DOCK10: variants seen among roughly 807,000 people sequenced by gnomAD.
DOCK10 encodes the protein dedicator of cytokinesis 10, also known as dedicator of cytokinesis protein 10.
In DOCK10, 145 loss-of-function variants were observed where a neutral mutation model predicts 280.1. The observed-to-expected ratio is 0.52, with a 90% CI of 0.45 to 0.59. The LOEUF (loss-of-function observed/expected upper bound fraction) is 0.59. Among genes scored for constraint, DOCK10 ranks in the 20% least tolerant of loss-of-function variants. DOCK10 has a pLI of 0.00. For missense variants in DOCK10, 2,368 were observed against 2,651.7 expected, an observed-to-expected ratio of 0.89 and a Z score of 2.35; for synonymous variants, 915 against 942.2, an observed-to-expected ratio of 0.97 and a Z score of 0.53.
intron 31 of DOCK10, among the ~76,000 whole-genome samples, chr2:224,809,843 A>G (rs1424776071): frequency 1.3e-5 from 2 of 152,138 alleles, no homozygotes; most frequent in African/African-American, 4.8e-5. Flanking sequence ...ACTTCTGGGT[A>G]TACATCCAAA....
intron 47 of DOCK10, among the ~76,000 whole-genome samples, chr2:224,792,585 A>G (rs1359016548): frequency 6.6e-6 from 1 of 152,184 alleles, no homozygotes; most frequent in Non-Finnish European, 1.5e-5. Flanking sequence ...GCCTGGCCCT[A>G]TCTTTTATTT....
intron 3 of DOCK10, among the ~76,000 whole-genome samples, chr2:224,908,184 A>ATGTG (rs71062966): frequency 0.17 from 25,659 of 148,344 alleles, 2,252 homozygotes; most frequent in East Asian, 0.34. Flanking sequence ...GTGTGTGTGT[A>ATGTG]TGTGTGTGTG....
intron 4 of DOCK10, among the ~76,000 whole-genome samples, chr2:224,892,885 T>A (rs992122787): frequency 3.3e-5 from 5 of 152,234 alleles, no homozygotes; most frequent in Non-Finnish European, 7.3e-5. Context: ...CAGTCACATG[T>A]CTGTGGGGCT....
intron 30 of DOCK10, 117 bp downstream of exon 30, chr2:224,816,500 G>A: frequency 1.4e-6 from 1 of 710,388 alleles, no homozygotes; most frequent in Non-Finnish European, 2.5e-6. Context: ...CCATGTGACA[G>A]CTTCAAACAA....
At chr2:224,977,443 A>T (rs917103287) in intron 1 of DOCK10, among the ~76,000 whole-genome samples, 2 of 152,222 alleles carry the variant, frequency 1.3e-5, no homozygotes, top group Admixed American at 6.5e-5. Flanking sequence ...AAAAGACTTA[A>T]AATGAAGCTA....
intron 3 of DOCK10, among the ~76,000 whole-genome samples, chr2:224,906,604 G>A (rs1700655336): frequency 1.3e-5 from 2 of 152,098 alleles, no homozygotes; most frequent in East Asian, 1.9e-4. Context: ...TCAGCCTCCC[G>A]AGTAGCTGGG....
At chr2:224,808,248 G>A (rs1180011658) in intron 31 of DOCK10, among the ~76,000 whole-genome samples, 162 bp from the exon 32 acceptor site, 1 of 152,176 alleles carries the variant, frequency 6.6e-6, no homozygotes, top group African/African-American at 2.4e-5. Context: ...TCCTCAAGGA[G>A]CATTCAGTAA....
Position 224,865,092 on chromosome 2 carries a change from A to C in DOCK10, c.1258-5T>G, listed in dbSNP as rs780413791. The C allele has an allele frequency of 2.5e-6, 4 of 1,612,454 alleles. No homozygotes were observed. The highest frequency in any genetic ancestry group is 2.5e-6 in the Non-Finnish European group (3 of 1,179,306). ...ACTCACAAAAAAAGGCTCAATCTGC[A>C]TGAAAAAGAAAGAACAGATGTTTTT... is the stretch of plus-strand genomic sequence containing the variant. On this transcript the variant is annotated splice_polypyrimidine_tract_variant and splice_region_variant and intron_variant, in intron 11 of 55. Coordinates refer to ENST00000258390, the MANE Select transcript of DOCK10 (RefSeq NM_014689.3).
intron 7 of DOCK10, among the ~76,000 whole-genome samples, chr2:224,877,497 C>G (rs911604350): frequency 2.1e-5 from 3 of 144,308 alleles, no homozygotes; most frequent in Non-Finnish European, 4.6e-5. Context: ...GAATAGGTTC[C>G]TATTCCAAGT....
At chr2:224,961,731 T>A (rs1323298414) in intron 1 of DOCK10, among the ~76,000 whole-genome samples, 2 of 151,914 alleles carry the variant, frequency 1.3e-5, no homozygotes, top group African/African-American at 4.8e-5. Flanking sequence ...TGTCTTGATG[T>A]CTCCACCTTG....
chr2:224,780,355 T>C (rs919449753), intron 50 of DOCK10, among the ~76,000 whole-genome samples: 2 of 152,184 alleles, frequency 1.3e-5, no homozygotes, highest in African/African-American at 4.8e-5. Context: ...GTGGCTACAA[T>C]TGACAGACTG....
intron 1 of DOCK10, among the ~76,000 whole-genome samples, chr2:224,977,829 A>G (rs2126237412): frequency 6.6e-6 from 1 of 152,318 alleles, no homozygotes; most frequent in Non-Finnish European, 1.5e-5. Flanking sequence ...CAATTATGCC[A>G]GCCCAAATCT....
intron 1 of DOCK10, among the ~76,000 whole-genome samples, chr2:224,962,402 A>G (rs539254338): frequency 1.3e-5 from 2 of 152,312 alleles, no homozygotes; most frequent in East Asian, 3.9e-4. Context: ...AAGATAATTT[A>G]TGACTCAGTT....
In DOCK10 at chr2:224,797,070, T is replaced by C. The variant is rs755517673; in HGVS notation, c.4721A>G (p.His1574Arg). 1 of 1,613,666 alleles carries C rather than the reference T, an allele frequency of 6.2e-7. No homozygotes were observed. Residue 1574 changes from histidine to arginine, a missense_variant, in exon 43 of 56, where the codon CAC becomes CGC. Transcript: ENST00000258390. ...FCYEVLKCCN[H>R]RSRSTQTEAS... is the part of the protein sequence containing the mutation. ...TTCTGTCTGAGTTGACCGTGACCTGTGGTTACAGCATTTTAGGACTTCGTA... is the reference window on the plus strand; with the variant it reads ...TTCTGTCTGAGTTGACCGTGACCTGCGGTTACAGCATTTTAGGACTTCGTA...
At chr2:224,915,011 C>T (rs1362201287) in intron 3 of DOCK10, among the ~76,000 whole-genome samples, 2 of 152,000 alleles carry the variant, frequency 1.3e-5, no homozygotes, top group African/African-American at 4.8e-5. Flanking sequence ...TTTTAAAATT[C>T]CACTCAGATT....
At position 224,892,424 on chromosome 2, in the gene DOCK10, AAAG is replaced by A. The variant is rs754129115; in HGVS notation, c.416+3868_416+3870del. On this transcript the variant is annotated intron_variant, in intron 4 of 55. Transcript: ENST00000258390. ...AAAAAAAAAAAAAAAAAAAAAAAAG[AAAG>A]AAAGAAAAGAAAAGAAAAGAAAAAA... is the stretch of plus-strand genomic sequence containing the variant. Among the ~76,000 whole-genome samples, 40 of 92,598 alleles carry A rather than the reference AAAG, an allele frequency of 4.3e-4. No homozygotes were observed. In the East Asian group the frequency reaches 5.9e-3, roughly 14 times the overall value. The allele number at this position is 92,598 out of a possible 152,430, so 60.7% of individuals were successfully genotyped here.
intron 11 of DOCK10, among the ~76,000 whole-genome samples, chr2:224,869,215 TC>T (rs1698113896): frequency 1.3e-5 from 2 of 152,314 alleles, no homozygotes; most frequent in East Asian, 3.9e-4. Flanking sequence ...ATTTTTGGAG[TC>T]AATTTCTATT....
chr2:224,910,075 C>A (rs1353736813), intron 3 of DOCK10, among the ~76,000 whole-genome samples: 1 of 152,212 alleles, frequency 6.6e-6, no homozygotes, highest in Non-Finnish European at 1.5e-5. Context: ...AAACTAGATT[C>A]TTGCCAATCT....
intron 26 of DOCK10, among the ~76,000 whole-genome samples, chr2:224,833,269 A>G (rs1695358084): frequency 6.6e-6 from 1 of 151,868 alleles, no homozygotes; most frequent in Non-Finnish European, 1.5e-5. Flanking sequence ...CGCCTGGCCT[A>G]TGCTAACTCC....
Sources: gnomAD v4.1 joint callset for allele counts (sites outside exome capture counted in the v4.1 genomes callset) on GRCh38, gnomAD v4.1.1 for gene constraint, MANE v1.5 for transcripts, NCBI Gene and HGNC (gene_info 2026-07-23, HGNC 2026-07-21) for gene names.